SORCS1: variants seen among roughly 807,000 people sequenced by gnomAD.
The protein encoded by SORCS1 is VPS10 domain-containing receptor SorCS1.
In SORCS1, 60 loss-of-function variants were observed where a neutral mutation model predicts 146.1. The ratio of observed to expected loss-of-function variants is 0.41; its 90% CI spans 0.33 to 0.51. The LOEUF (loss-of-function observed/expected upper bound fraction) is 0.51. Ranked by LOEUF, SORCS1 falls within the 20% of genes least tolerant of loss-of-function variation. The probability of loss-of-function intolerance (pLI) is 0.21; values close to 1 mark genes in which losing one functional copy is unlikely to be tolerated. For synonymous variants in SORCS1, 637 were observed against 584.0 expected (o/e 1.09, Z -1.31); for missense variants, 1,352 against 1,487.6 (o/e 0.91, Z 1.50).
intron 2 of SORCS1, among the ~76,000 whole-genome samples, chr10:106,878,702 T>A (rs1950698626): frequency 6.9e-6 from 1 of 145,522 alleles, no homozygotes; most frequent in Non-Finnish European, 1.5e-5. Flanking sequence ...TCACACAAAA[T>A]TTTTATATGT....
intron 2 of SORCS1, among the ~76,000 whole-genome samples, chr10:106,952,746 T>G (rs961961952): frequency 6.6e-6 from 1 of 151,016 alleles, no homozygotes; most frequent in African/African-American, 2.4e-5. Context: ...GAGGCTGAGG[T>G]GGGAGGGTTA....
At chr10:106,890,474 A>C (rs1296448298) in intron 2 of SORCS1, among the ~76,000 whole-genome samples, 2 of 152,190 alleles carry the variant, frequency 1.3e-5, no homozygotes, top group East Asian at 1.9e-4. Flanking sequence ...AGAAAAAAAA[A>C]CAAAGGTCTA....
intron 1 of SORCS1, among the ~76,000 whole-genome samples, chr10:107,071,280 CT>C (rs1962401017): frequency 6.6e-6 from 1 of 152,008 alleles, no homozygotes; most frequent in Non-Finnish European, 1.5e-5. Context: ...GCCTCTTCTT[CT>C]TTTTTTATCC....
At chr10:106,987,635 C>T (rs1207008453) in intron 1 of SORCS1, among the ~76,000 whole-genome samples, 1 of 152,208 alleles carries the variant, frequency 6.6e-6, no homozygotes, top group Non-Finnish European at 1.5e-5. Flanking sequence ...AGGTTCTCCT[C>T]TTTCATGGAT....
At chr10:106,675,662 G>C (rs1451015568) in intron 13 of SORCS1, among the ~76,000 whole-genome samples, 1 of 152,198 alleles carries the variant, frequency 6.6e-6, no homozygotes, top group African/African-American at 2.4e-5. Context: ...TTGAAAGCAA[G>C]AGAAGATAAT....
chr10:106,658,313 T>C (rs1850459911), intron 17 of SORCS1, among the ~76,000 whole-genome samples: 1 of 149,796 alleles, frequency 6.7e-6, no homozygotes, highest in South Asian at 2.1e-4. Flanking sequence ...CTACTCATCC[T>C]TAAAAAAAAA....
At chr10:106,790,532 G>C (rs1265477115) in intron 3 of SORCS1, among the ~76,000 whole-genome samples, 1 of 152,186 alleles carries the variant, frequency 6.6e-6, no homozygotes. Flanking sequence ...CTCATTGTCA[G>C]GATGTGGTAA....
At chr10:106,895,684 G>T (rs1951445517) in intron 2 of SORCS1, among the ~76,000 whole-genome samples, 1 of 152,184 alleles carries the variant, frequency 6.6e-6, no homozygotes, top group African/African-American at 2.4e-5. Context: ...TAATGTTGGT[G>T]AGACTACAAA....
chr10:106,918,930 G>A (rs979470530), intron 2 of SORCS1, among the ~76,000 whole-genome samples: 6 of 151,884 alleles, frequency 4.0e-5, no homozygotes, highest in African/African-American at 1.2e-4. Flanking sequence ...TTGACCTCCT[G>A]GGAGCAAGCA....
intron 2 of SORCS1, among the ~76,000 whole-genome samples, chr10:106,895,838 C>T (rs1282232559): frequency 1.3e-5 from 2 of 151,466 alleles, no homozygotes; most frequent in Non-Finnish European, 2.9e-5. Flanking sequence ...TTTATAGCAA[C>T]AATAGCCAAC....
chr10:106,875,256 T>C (rs185733607), intron 2 of SORCS1, among the ~76,000 whole-genome samples: 7 of 152,210 alleles, frequency 4.6e-5, no homozygotes, highest in African/African-American at 1.7e-4. Flanking sequence ...GAATAATGGC[T>C]TCAAGCTCTA....
chr10:106,840,118 A>C (rs1948960030), intron 2 of SORCS1, among the ~76,000 whole-genome samples: 1 of 152,234 alleles, frequency 6.6e-6, no homozygotes, highest in Non-Finnish European at 1.5e-5. Flanking sequence ...GTATTATTTA[A>C]GAAATACACT....
At chr10:107,134,821 A>G (rs1227231030) in intron 1 of SORCS1, among the ~76,000 whole-genome samples, 2 of 152,218 alleles carry the variant, frequency 1.3e-5, no homozygotes, top group Admixed American at 1.3e-4. Flanking sequence ...TGCATCTTTC[A>G]AAAACTTAAC....
intron 1 of SORCS1, among the ~76,000 whole-genome samples, chr10:107,036,559 C>G (rs1023273540): frequency 6.6e-6 from 1 of 152,182 alleles, no homozygotes; most frequent in African/African-American, 2.4e-5. Context: ...CCCACCAAGC[C>G]TAGAGGTGAT....
At chr10:106,678,123 A>G (rs1352258660) in intron 12 of SORCS1, among the ~76,000 whole-genome samples, 1 of 152,194 alleles carries the variant, frequency 6.6e-6, no homozygotes, top group Non-Finnish European at 1.5e-5. Context: ...TCAGATTATT[A>G]GTGTAGCCTT....
chr10:106,748,062 A>T (rs1023313204), intron 5 of SORCS1, among the ~76,000 whole-genome samples: 1 of 152,192 alleles, frequency 6.6e-6, no homozygotes, highest in African/African-American at 2.4e-5. Context: ...AACATCTTGT[A>T]CATCAGTAGG....
At chr10:106,764,442 C>G (rs1859389341) in intron 4 of SORCS1, among the ~76,000 whole-genome samples, 1 of 152,188 alleles carries the variant, frequency 6.6e-6, no homozygotes, top group Non-Finnish European at 1.5e-5. Flanking sequence ...AAGGCTTTCC[C>G]TGTAGAATGA....
intron 15 of SORCS1, among the ~76,000 whole-genome samples, chr10:106,672,597 T>A (rs575044069): frequency 6.6e-6 from 1 of 152,338 alleles, no homozygotes; most frequent in East Asian, 1.9e-4. Flanking sequence ...ATCTGAGTGC[T>A]GAACTGGTAT....
chr10:106,984,357 CTAAACT>C (rs1250768771), intron 1 of SORCS1, among the ~76,000 whole-genome samples: 2 of 151,300 alleles, frequency 1.3e-5, no homozygotes, highest in African/African-American at 4.9e-5. Flanking sequence ...TTAGACAGAG[CTAAACT>C]TAATTTCTCA....
Sources: allele counts gnomAD v4.1 joint callset (sites outside exome capture counted in the v4.1 genomes callset), GRCh38; gene constraint gnomAD v4.1.1; transcripts MANE v1.5; gene names NCBI Gene and HGNC (gene_info 2026-07-23, HGNC 2026-07-21).